The following CMIP variants were observed in gnomAD, a reference collection of about 807,000 sequenced individuals.
The protein encoded by CMIP is C-Maf-inducing protein.
Under a neutral mutation model 97.3 loss-of-function variants are expected in CMIP, and 13 were observed. The observed-to-expected ratio is 0.13, with a 90% CI of 0.09 to 0.21. CMIP has a LOEUF of 0.21. CMIP is among the 10% of genes least tolerant of loss of function. The pLI is 1.00. For missense variants in CMIP, 847 were observed against 1,024.9 expected (o/e 0.83, Z 2.37); for synonymous variants, 538 against 436.3 (o/e 1.23, Z -2.91).
intron 15 of CMIP, among the ~76,000 whole-genome samples, chr16:81,701,007 G>A (rs903848602): frequency 1.3e-5 from 2 of 151,992 alleles, no homozygotes; most frequent in Non-Finnish European, 2.9e-5. Context: ...TTCTAGAACT[G>A]AGCACCATGG....
chr16:81,703,828 G>T (rs1907707037), intron 17 of CMIP, 111 bp from the exon 18 acceptor site: 1 of 1,406,992 alleles, frequency 7.1e-7, no homozygotes, highest in Non-Finnish European at 9.4e-7. Context: ...CCGCCCCCCA[G>T]GAACAGCTCT....
rs887532161 is a variant in CMIP at position 81,655,488 on chromosome 16, TC to T, written c.640-2284del. ...GCCGCTTAGCTCGAGAGTCAGGTGTTCCCTCTAATGCAGTGGCTATTGGTGG... is the reference window on the plus strand; with the variant it reads ...GCCGCTTAGCTCGAGAGTCAGGTGTTCCTCTAATGCAGTGGCTATTGGTGG... On this transcript the variant is annotated intron_variant, in intron 4 of 20. Coordinates refer to ENST00000537098, the MANE Select transcript of CMIP (RefSeq NM_198390.3). This position sits in a 1 kb window ranked among gnomAD's most constrained non-coding sequence, Gnocchi z 4.9. Among the ~76,000 whole-genome samples, 18 of 152,146 alleles carry T rather than the reference TC, an allele frequency of 1.2e-4. No homozygotes were observed. Among genetic ancestry groups the T allele is most frequent in the African/African-American group, 4.1e-4 (17 of 41,428 alleles).
intron 1 of CMIP, among the ~76,000 whole-genome samples, chr16:81,482,762 G>A (rs2089246072): frequency 6.6e-6 from 1 of 152,200 alleles, no homozygotes; most frequent in African/African-American, 2.4e-5. Flanking sequence ...AGTCACTGGG[G>A]CTGGGTTTGA....
Position 81,538,250 on chromosome 16 carries a change from G to A in CMIP, c.301-69317G>A, listed in dbSNP as rs111353078. On this transcript the variant is annotated intron_variant, in intron 1 of 20. Coordinates refer to ENST00000537098, the MANE Select transcript of CMIP (RefSeq NM_198390.3). ...TCTCAGAGCGACACCCATAAGCATG[G>A]GCTGCCTGCCCATGGAAACTCATAA... Among the ~76,000 whole-genome samples the A allele has an allele frequency of 3.7e-4, 57 of 152,306 alleles. 1 individual carries two copies. Among genetic ancestry groups the A allele is most frequent in the African/African-American group, 1.3e-3 (54 of 41,562 alleles).
intron 15 of CMIP, among the ~76,000 whole-genome samples, chr16:81,700,142 G>A (rs898104322): frequency 1.3e-5 from 2 of 152,124 alleles, no homozygotes; most frequent in Non-Finnish European, 2.9e-5. Flanking sequence ...GCGCAGCTAC[G>A]CACTTCTCAC....
At chr16:81,641,631 G>A (rs1447955122) in intron 3 of CMIP, among the ~76,000 whole-genome samples, 1 of 152,188 alleles carries the variant, frequency 6.6e-6, no homozygotes, top group Admixed American at 6.5e-5. Context: ...AGTTCCCGCT[G>A]TTTCCCTGGA....
At chr16:81,649,774 C>A (rs185203109) in intron 3 of CMIP, among the ~76,000 whole-genome samples, 1 of 152,252 alleles carries the variant, frequency 6.6e-6, no homozygotes, top group African/African-American at 2.4e-5. Flanking sequence ...GGGTGTGGAT[C>A]GCTGTGGTTT....
intron 1 of CMIP, among the ~76,000 whole-genome samples, chr16:81,500,198 G>A (rs919974130): frequency 2.0e-5 from 3 of 151,952 alleles, no homozygotes; most frequent in Admixed American, 1.3e-4. Context: ...ATGGGCTGTG[G>A]CTTAACGATT....
intron 1 of CMIP, among the ~76,000 whole-genome samples, chr16:81,594,028 C>T (rs1215306970): frequency 2.2e-5 from 2 of 92,158 alleles, no homozygotes; most frequent in Non-Finnish European, 4.5e-5. Context: ...CCCCCCTTCT[C>T]CTCCTCCTCC....
intron 1 of CMIP, among the ~76,000 whole-genome samples, chr16:81,578,343 T>C (rs1312731449): frequency 6.6e-6 from 1 of 152,246 alleles, no homozygotes; most frequent in African/African-American, 2.4e-5. Context: ...TTCCTGCTCT[T>C]CCTGGGGTCT....
intron 1 of CMIP, among the ~76,000 whole-genome samples, chr16:81,482,276 G>T (rs1037308378): frequency 6.6e-6 from 1 of 152,138 alleles, no homozygotes; most frequent in Non-Finnish European, 1.5e-5. Flanking sequence ...CAACTCTAAG[G>T]GTCCCTTTGC....
intron 1 of CMIP, among the ~76,000 whole-genome samples, chr16:81,459,388 TGCTCCGTGACCTC>T (rs1375097964): frequency 3.3e-5 from 5 of 152,076 alleles, no homozygotes; most frequent in South Asian, 2.1e-4. Flanking sequence ...GCCGTGACCC[TGCTCCGTGACCTC>T]GCTCCGTGAC....
intron 1 of CMIP, among the ~76,000 whole-genome samples, chr16:81,601,642 T>C (rs1308343691): frequency 6.6e-6 from 1 of 152,014 alleles, no homozygotes; most frequent in Non-Finnish European, 1.5e-5. Context: ...GTCTGGCAAA[T>C]GCAGGATCCC....
intron 3 of CMIP, among the ~76,000 whole-genome samples, chr16:81,628,907 G>A (rs565218309): frequency 2.0e-4 from 30 of 152,014 alleles, no homozygotes; most frequent in Non-Finnish European, 3.1e-4. Flanking sequence ...AGGCCGAGGC[G>A]GGAGGATCAC....
intron 1 of CMIP, chr16:81,464,562 A>G (rs1368126247): frequency 6.6e-6 from 1 of 152,222 alleles, no homozygotes; most frequent in Non-Finnish European, 1.5e-5. Context: ...GGTTTTAAAA[A>G]AATTTTTTTA....
chr16:81,524,354 T>C lies in CMIP; in HGVS notation c.300+78813T>C, dbSNP rs988489619. On this transcript the variant is annotated intron_variant, in intron 1 of 20. Transcript: ENST00000537098. Reference sequence around the variant, plus strand: ...TAGAGGGGCAGAGACTGTCTACAAGTGACAGAGAGATACAGAGAGAATTAT... The same window carrying C: ...TAGAGGGGCAGAGACTGTCTACAAGCGACAGAGAGATACAGAGAGAATTAT... Among the ~76,000 whole-genome samples the C allele has an allele frequency of 9.2e-5, 14 of 152,314 alleles. No homozygotes were observed. In the East Asian group the frequency reaches 2.7e-3, roughly 29 times the overall value.
At chr16:81,645,426 C>T (rs1394573190) in intron 3 of CMIP, 25 of 1,492,282 alleles carry the variant, frequency 1.7e-5, no homozygotes, top group African/African-American at 2.8e-5. Context: ...CTGCCTGGCG[C>T]GACGTGCTTC....
At chr16:81,476,857 C>A (rs563582251) in intron 1 of CMIP, among the ~76,000 whole-genome samples, 14 of 152,164 alleles carry the variant, frequency 9.2e-5, no homozygotes, top group African/African-American at 2.6e-4. Flanking sequence ...TTCCTTTTGT[C>A]CTTACTTCCC....
Position 81,709,825 on chromosome 16 carries a change from G to T in CMIP, c.*26G>T, listed in dbSNP as rs909865706. ...AGCTCCCAGCTCAAGGCAGGAAGAC[G>T]TTTGCAACCGCGACAAAATAACTCT... On this transcript the variant is annotated 3_prime_UTR_variant, in exon 21 of 21. Transcript: ENST00000537098. The T allele has an allele frequency of 1.9e-5, 30 of 1,612,506 alleles. No individual in the cohort carries two copies. The highest frequency in any genetic ancestry group is 6.7e-5 in the Admixed American group (4 of 59,834).
Sources: gnomAD v4.1 joint callset for allele counts (sites outside exome capture counted in the v4.1 genomes callset) on GRCh38, gnomAD v4.1.1 for gene constraint, Gnocchi (gnomAD v3.1) non-coding constraint, MANE v1.5 for transcripts, NCBI Gene and HGNC (gene_info 2026-07-23, HGNC 2026-07-21) for gene names.